The following MCPH1 variants were observed in gnomAD, a reference collection of about 807,000 sequenced individuals.
The protein encoded by MCPH1 is microcephalin.
In MCPH1, 104 loss-of-function variants were observed where a neutral mutation model predicts 84.5. The ratio of observed to expected loss-of-function variants is 1.23; its 90% CI spans 1.05 to 1.45. MCPH1 has a LOEUF of 1.45. MCPH1 is among the 40% of genes most tolerant of loss of function. The probability of loss-of-function intolerance (pLI) is 0.00; values close to 1 mark genes in which losing one functional copy is unlikely to be tolerated. For synonymous variants in MCPH1, 514 were observed against 366.8 expected (o/e 1.40, Z -4.58); for missense variants, 1,498 against 1,005.7 (o/e 1.49, Z -6.62).
chr8:6,438,890 A>T, intron 5 of MCPH1, 63 bp from the exon 6 acceptor site: 1 of 1,509,248 alleles, frequency 6.6e-7, no homozygotes, highest in South Asian at 1.1e-5. Context: ...TTTAAAAGGA[A>T]TCACATTCCT....
chr8:6,503,594 C>G (rs1812636235), intron 12 of MCPH1, among the ~76,000 whole-genome samples: 2 of 152,204 alleles, frequency 1.3e-5, no homozygotes, highest in Admixed American at 1.3e-4. Context: ...ATCTGAGGCA[C>G]AGTTGGAAAA....
intron 9 of MCPH1, among the ~76,000 whole-genome samples, chr8:6,475,006 A>T (rs559484935): frequency 6.6e-6 from 1 of 152,278 alleles, no homozygotes; most frequent in East Asian, 1.9e-4. Flanking sequence ...AGTGCTGTTG[A>T]AAGTATTATT....
intron 11 of MCPH1, among the ~76,000 whole-genome samples, chr8:6,499,247 T>G (rs1021546758): frequency 6.6e-6 from 1 of 152,038 alleles, no homozygotes; most frequent in African/African-American, 2.4e-5. Context: ...AAAGATTGTA[T>G]TGATCATTTT....
At chr8:6,578,553 GT>G (rs1827299427) in intron 12 of MCPH1, among the ~76,000 whole-genome samples, 1 of 152,174 alleles carries the variant, frequency 6.6e-6, no homozygotes, top group Non-Finnish European at 1.5e-5. Flanking sequence ...CTATGTAATT[GT>G]TTTTTCCTCT....
Position 6,480,795 on chromosome 8 carries a change from C to T in MCPH1, c.2055C>T (p.His685=), listed in dbSNP as rs763434327. 8.7e-6 allele frequency: 14 copies of T among 1,614,194 alleles called. No homozygotes were observed. Among genetic ancestry groups the T allele is most frequent in the East Asian group, 2.2e-5 (1 of 44,876 alleles). Residue 685 remains histidine (H), a synonymous_variant, in exon 11 of 14, where the codon CAC becomes CAT. Transcript: ENST00000344683. Reference sequence around the variant, plus strand: ...CAGACGTCTGTGAGACCACGACTCACGTGCTTTCCGGGAAGCCACTTCGCA... The same window carrying T: ...CAGACGTCTGTGAGACCACGACTCATGTGCTTTCCGGGAAGCCACTTCGCA... The part of the protein sequence containing the change: ...IAPDVCETTT[H]VLSGKPLRTL...
intron 12 of MCPH1, among the ~76,000 whole-genome samples, chr8:6,514,207 T>A (rs1815768819): frequency 6.6e-6 from 1 of 152,140 alleles, no homozygotes; most frequent in Non-Finnish European, 1.5e-5. Context: ...CAGCCTTGTT[T>A]ATTTGAGAGT....
chr8:6,593,153 G>A (rs1441848112), intron 12 of MCPH1, among the ~76,000 whole-genome samples: 1 of 137,564 alleles, frequency 7.3e-6, no homozygotes, highest in Non-Finnish European at 1.5e-5. Flanking sequence ...GCACAATCTT[G>A]GCTCACTGCA....
At chr8:6,413,862 C>T (rs1798879556) in intron 2 of MCPH1, among the ~76,000 whole-genome samples, 1 of 151,692 alleles carries the variant, frequency 6.6e-6, no homozygotes, top group South Asian at 2.1e-4. Context: ...TGAAGTGATT[C>T]TCCTGCCTCA....
chr8:6,421,657 G>A (rs2129552674), intron 3 of MCPH1, among the ~76,000 whole-genome samples: 1 of 152,282 alleles, frequency 6.6e-6, no homozygotes, highest in East Asian at 1.9e-4. Flanking sequence ...ATCTGACGAT[G>A]TAGTCAGTGG....
At chr8:6,427,028 G>T (rs986795792) in intron 3 of MCPH1, among the ~76,000 whole-genome samples, 1 of 152,206 alleles carries the variant, frequency 6.6e-6, no homozygotes, top group South Asian at 2.1e-4. Context: ...CATAGCTACT[G>T]CACACCTAGG....
intron 12 of MCPH1, among the ~76,000 whole-genome samples, chr8:6,555,811 T>A (rs1249900036): frequency 1.3e-5 from 2 of 152,188 alleles, no homozygotes; most frequent in Non-Finnish European, 2.9e-5. Flanking sequence ...TTGTACCAAT[T>A]ATACCAATTG....
At chr8:6,589,730 G>A (rs1243832468) in intron 12 of MCPH1, among the ~76,000 whole-genome samples, 1 of 152,188 alleles carries the variant, frequency 6.6e-6, no homozygotes, top group Non-Finnish European at 1.5e-5. Flanking sequence ...GTGTTTCCAT[G>A]ACACGTGCTG....
chr8:6,618,576 T>A (rs1018449305), intron 12 of MCPH1: 4 of 152,200 alleles, frequency 2.6e-5, no homozygotes, highest in African/African-American at 7.2e-5. Context: ...ACAGGATTTT[T>A]AAAAATACAC....
At chr8:6,604,315 A>G (rs1180044247) in intron 12 of MCPH1, among the ~76,000 whole-genome samples, 1 of 152,242 alleles carries the variant, frequency 6.6e-6, no homozygotes, top group Non-Finnish European at 1.5e-5. Flanking sequence ...CATTCCAGCC[A>G]ACAGAAGAAC....
chr8:6,449,040 T>C (rs777329352), intron 8 of MCPH1, among the ~76,000 whole-genome samples: 5 of 152,164 alleles, frequency 3.3e-5, no homozygotes, highest in Non-Finnish European at 7.3e-5. Context: ...TCAGACTGAG[T>C]GTTCCCATCA....
At chr8:6,568,709 T>C (rs1208105176) in intron 12 of MCPH1, among the ~76,000 whole-genome samples, 1 of 152,228 alleles carries the variant, frequency 6.6e-6, no homozygotes, top group East Asian at 1.9e-4. Context: ...CGGCATTTTG[T>C]GCTGACATCG....
intron 13 of MCPH1, among the ~76,000 whole-genome samples, chr8:6,641,574 G>C (rs1797939732): frequency 6.6e-6 from 1 of 152,032 alleles, no homozygotes; most frequent in Non-Finnish European, 1.5e-5. Context: ...TGAGACATTG[G>C]CTCTACAAAA....
rs1241978986 is a variant in MCPH1 at position 6,647,706 on chromosome 8, C to T, written c.*4657C>T. ...TCCATTTAGATACCATTTCTACAAA[C>T]CGCAAAACTGTAGAGGCACGAAACA... On this transcript the variant is annotated 3_prime_UTR_variant, in exon 14 of 14. Coordinates refer to ENST00000344683, the MANE Select transcript of MCPH1 (RefSeq NM_024596.5). 1.3e-5 allele frequency: 2 copies of T among 152,166 alleles called. No homozygotes were observed. The highest frequency in any genetic ancestry group is 2.9e-5 in the Non-Finnish European group (2 of 68,044). The allele number at this position is 152,166 out of a possible 1,614,324, so 9.4% of individuals were successfully genotyped here. A position where few individuals can be genotyped will look rare whatever the true frequency, so the allele number is the denominator to read the frequency against.
chr8:6,613,274 C>T (rs1054541884), intron 12 of MCPH1, among the ~76,000 whole-genome samples: 1 of 152,152 alleles, frequency 6.6e-6, no homozygotes, highest in African/African-American at 2.4e-5. Flanking sequence ...GAGGACGAGC[C>T]GGGTAGAAAC....
Sources: gnomAD v4.1 joint callset for allele counts (sites outside exome capture counted in the v4.1 genomes callset) on GRCh38, gnomAD v4.1.1 for gene constraint, MANE v1.5 for transcripts, NCBI Gene and HGNC (gene_info 2026-07-23, HGNC 2026-07-21) for gene names.